The following ZNF778 variants were observed in gnomAD, a reference collection of about 807,000 sequenced individuals.
ZNF778 encodes zinc finger protein 778.
A neutral mutation model predicts 23.9 loss-of-function variants in ZNF778; 37 were observed. That is an observed-to-expected ratio of 1.54 (90% CI 1.19 to 2.03). ZNF778 has a LOEUF of 2.03. Among genes scored for constraint, ZNF778 ranks in the 30% most tolerant of loss-of-function variants. The pLI is 0.00. For synonymous variants in ZNF778, 483 were observed against 343.9 expected (o/e 1.40, Z -4.48); for missense variants, 1,297 against 934.4 (o/e 1.39, Z -5.06).
In ZNF778 at chr16:89,230,220, C is replaced by A; in HGVS notation, c.*1658C>A. On this transcript the variant is annotated 3_prime_UTR_variant, in exon 7 of 7. Transcript: ENST00000433976. ...TAAAACACCAGGGTGCAAGGAGGGG[C>A]AGAGTGGAGAGGGGCGAGGTCTGTA... 9.4e-6 allele frequency: 3 copies of A among 319,912 alleles called. No homozygotes were observed. Among genetic ancestry groups the A allele is most frequent in the Non-Finnish European group, 1.4e-5 (3 of 221,820 alleles). The allele number at this position is 319,912 out of a possible 1,614,324, so 19.8% of individuals were successfully genotyped here.
rs1183064282 is a variant in ZNF778, at chr16:89,228,559, CTAATG to C, written c.*1_*5del. 1 of 1,569,988 alleles carries C rather than the reference CTAATG, an allele frequency of 6.4e-7. No homozygotes were observed. On this transcript the variant is annotated stop_retained_variant and 3_prime_UTR_variant, in exon 7 of 7. Transcript: ENST00000433976. Reference sequence around the variant, plus strand: ...AAATTCACACTGATGAGAAACCTTTCTAATGTAAAGAATGTGGGGAAGCTGTCAGC... The same window carrying C: ...AAATTCACACTGATGAGAAACCTTTCTAAAGAATGTGGGGAAGCTGTCAGC...
rs533555896 is a variant in ZNF778 at position 89,234,258 on chromosome 16, C to T, written c.*5696C>T. On this transcript the variant is annotated 3_prime_UTR_variant, in exon 7 of 7. Coordinates refer to ENST00000433976, the MANE Select transcript of ZNF778 (RefSeq NM_001201407.2). The stretch of plus-strand genomic sequence containing the variant: ...CACATGTCTGTGACAAGGTCTTACC[C>T]AGCCCAGGGATTCTTGAACTATCTG... The T allele has an allele frequency of 7.9e-5, 28 of 354,302 alleles. No homozygotes were observed. The highest frequency in any genetic ancestry group is 5.6e-4 in the African/African-American group (26 of 46,816). 21.9% of individuals were successfully genotyped at this position (354,302 alleles called of 1,614,324 possible).
intron 5 of ZNF778, 33 bp from the exon 6 acceptor site, chr16:89,225,522 G>C (rs752340390): frequency 2.0e-6 from 3 of 1,508,584 alleles, no homozygotes; most frequent in Non-Finnish European, 2.7e-6. Context: ...CAATGAGTTT[G>C]ATCGTTTTTA....
rs1201691150 is a variant in ZNF778 at position 89,236,727 on chromosome 16, A to C, written c.*8165A>C. On this transcript the variant is annotated 3_prime_UTR_variant, in exon 7 of 7. Coordinates refer to ENST00000433976, the MANE Select transcript of ZNF778 (RefSeq NM_001201407.2). Reference sequence around the variant, plus strand: ...GTTCCGTGCTCCATTTCAGTGGCAAAATACCATTCCAGAAGGACTGGAAAA... The same window carrying C: ...GTTCCGTGCTCCATTTCAGTGGCAACATACCATTCCAGAAGGACTGGAAAA... 6.6e-6 allele frequency: 1 copy of C among 152,230 alleles called. No individual in the cohort carries two copies. The allele number at this position is 152,230 out of a possible 1,614,324, so 9.4% of individuals were successfully genotyped here.
In ZNF778 at chr16:89,225,768, CTG is replaced by C. The variant is rs961529147; in HGVS notation, c.405+138_405+139del. On this transcript the variant is annotated intron_variant, in intron 6 of 6. Transcript: ENST00000433976. ...GCAGGGGTTGTCTGTAGAGAACACT[CTG>C]AATGTGCGGAATTTGGGAGGACCTC... 7 of 784,500 alleles carry C rather than the reference CTG, an allele frequency of 8.9e-6. No individual in the cohort carries two copies. The African/African-American group carries it at 1.1e-4, about 12-fold the overall frequency. The allele number at this position is 784,500 out of a possible 1,614,324, so 48.6% of individuals were successfully genotyped here.
Position 89,232,709 on chromosome 16 carries a change from C to G in ZNF778, c.*4147C>G, listed in dbSNP as rs1283463344. On this transcript the variant is annotated 3_prime_UTR_variant, in exon 7 of 7. Transcript: ENST00000433976. ...TTGCTGTGGGGGCTAGACCGTCCCT[C>G]TCAGGCTAGATCATTCCTAAAGATG... 7.1e-6 allele frequency: 9 copies of G among 1,270,728 alleles called. No homozygotes were observed. Among genetic ancestry groups the G allele is most frequent in the Non-Finnish European group, 9.2e-6 (9 of 977,456 alleles). The allele number at this position is 1,270,728 out of a possible 1,614,324, so 78.7% of individuals were successfully genotyped here. A position where few individuals can be genotyped will look rare whatever the true frequency, so the allele number is the denominator to read the frequency against.
In ZNF778 at chr16:89,226,853, A is replaced by G; in HGVS notation, c.565A>G (p.Thr189Ala). Reference protein sequence around the residue: ...ERDFFIPCQKTLFKIGEQFSV... With the variant: ...ERDFFIPCQKALFKIGEQFSV... ...GGACTTTTTTATTCCATGCCAGAAA[A>G]CCTTGTTCAAAATTGGAGAGCAGTT... The change falls in exon 7 of 7, where the codon ACC becomes GCC. Residue 189 changes from threonine to alanine, a missense_variant. Thr to Ala is a moderately conservative substitution (Grantham distance 58). Coordinates refer to ENST00000433976, the MANE Select transcript of ZNF778 (RefSeq NM_001201407.2). 1 of 1,613,972 alleles carries G rather than the reference A, an allele frequency of 6.2e-7. No homozygotes were observed. The highest frequency in any genetic ancestry group is 8.5e-7 in the Non-Finnish European group (1 of 1,179,872).
At chr16:89,221,383 C>T (rs1368258457) in intron 2 of ZNF778, among the ~76,000 whole-genome samples, 1 of 152,198 alleles carries the variant, frequency 6.6e-6, no homozygotes, top group Admixed American at 6.5e-5. Flanking sequence ...AATGAAGAGT[C>T]ACGTTCCTCA....
chr16:89,228,559 C>G lies in ZNF778; in HGVS notation c.2271C>G (p.Phe757Leu), dbSNP rs922973451. 3 of 1,569,988 alleles carry G rather than the reference C, an allele frequency of 1.9e-6. No homozygotes were observed. The highest frequency in any genetic ancestry group is 2.6e-6 in the Non-Finnish European group (3 of 1,162,410). ...HTQIHTDEKP[F>L] ...AAATTCACACTGATGAGAAACCTTT[C>G]TAATGTAAAGAATGTGGGGAAGCTG... Residue 757 changes from phenylalanine to leucine, a missense_variant, in exon 7 of 7, where the codon TTC (phenylalanine) becomes TTG (leucine). Physicochemically the swap from Phe to Leu is conservative, Grantham distance 22. Transcript: ENST00000433976.
chr16:89,225,719 T>C, intron 6 of ZNF778, 88 bp downstream of exon 6: 1 of 1,228,840 alleles, frequency 8.1e-7, no homozygotes, highest in Non-Finnish European at 1.2e-6. Flanking sequence ...ATTGAGAGAA[T>C]TTAGAGAAGC....
At position 89,235,023 on chromosome 16, in the gene ZNF778, C is replaced by G. The variant is rs1394266612; in HGVS notation, c.*6461C>G. 2.0e-5 allele frequency: 3 copies of G among 152,146 alleles called. No homozygotes were observed. Among genetic ancestry groups the G allele is most frequent in the African/African-American group, 4.8e-5 (2 of 41,432 alleles). 9.4% of individuals were successfully genotyped at this position (152,146 alleles called of 1,614,324 possible). On this transcript the variant is annotated 3_prime_UTR_variant, in exon 7 of 7. Transcript: ENST00000433976. Reference sequence around the variant, plus strand: ...CTCCTAAGGCCTTAAATATGCTGTACTATTTTGGCTTCCACAGTTTCTATG... The same window carrying G: ...CTCCTAAGGCCTTAAATATGCTGTAGTATTTTGGCTTCCACAGTTTCTATG...
rs2032009749 is a variant in ZNF778, at chr16:89,232,882, A to C, written c.*4320A>C. ...CAAATCAACTCGCACTGCGTATGCAACTCAACTCGCACTGCGTATGCAACT... is the reference window on the plus strand; with the variant it reads ...CAAATCAACTCGCACTGCGTATGCACCTCAACTCGCACTGCGTATGCAACT... On this transcript the variant is annotated 3_prime_UTR_variant, in exon 7 of 7. Transcript: ENST00000433976. 1 of 1,214,368 alleles carries C rather than the reference A, an allele frequency of 8.2e-7. No individual in the cohort carries two copies. The highest frequency in any genetic ancestry group is 2.3e-5 in the African/African-American group (1 of 42,968). The allele number at this position is 1,214,368 out of a possible 1,614,324, so 75.2% of individuals were successfully genotyped here. A position where few individuals can be genotyped will look rare whatever the true frequency, so the allele number is the denominator to read the frequency against.
chr16:89,224,981 G>A (rs2031337226), intron 5 of ZNF778, among the ~76,000 whole-genome samples, 179 bp downstream of exon 5: 1 of 135,148 alleles, frequency 7.4e-6, no homozygotes. Flanking sequence ...ATGCATTCTG[G>A]CACAGAACAT....
chr16:89,223,152 T>C lies in ZNF778; in HGVS notation c.118-5T>C. 6.2e-7 allele frequency: 1 copy of C among 1,612,238 alleles called. No homozygotes were observed. Among genetic ancestry groups the C allele is most frequent in the Non-Finnish European group, 8.5e-7 (1 of 1,179,518 alleles). ...AGGCTCCAACCGTCATGTGTGATGA[T>C]TTAGGACGCGGTGACCTTTGACGAC... is the stretch of plus-strand genomic sequence containing the variant. On this transcript the variant is annotated splice_region_variant and splice_polypyrimidine_tract_variant and intron_variant, in intron 3 of 6. Transcript: ENST00000433976.
At position 89,227,344 on chromosome 16, in the gene ZNF778, T is replaced by G. The variant is rs2031574327; in HGVS notation, c.1056T>G (p.Leu352=). 2.5e-6 allele frequency: 4 copies of G among 1,613,864 alleles called. No homozygotes were observed. The highest frequency in any genetic ancestry group is 3.4e-6 in the Non-Finnish European group (4 of 1,179,874). ...AAGCCTTCACTGGACTCTCAGGTCT[T>G]TCTAAACACGTCCAAACAGACCCTG... is the stretch of plus-strand genomic sequence containing the variant. ...CGKAFTGLSG[L]SKHVQTDPGQ... The change falls in exon 7 of 7, where the codon CTT becomes CTG. Residue 352 remains leucine, a synonymous_variant. Transcript: ENST00000433976.
intron 3 of ZNF778, among the ~76,000 whole-genome samples, chr16:89,222,866 A>G (rs1165102161): frequency 2.6e-5 from 4 of 151,976 alleles, no homozygotes; most frequent in African/African-American, 7.2e-5. Context: ...AGAAGCTCAC[A>G]TGTTAGAGGT....
Position 89,230,136 on chromosome 16 carries a change from C to G in ZNF778, c.*1574C>G, listed in dbSNP as rs948037125. The G allele has an allele frequency of 3.0e-6, 2 of 669,512 alleles. No homozygotes were observed. Among genetic ancestry groups the G allele is most frequent in the East Asian group, 1.4e-4 (1 of 7,366 alleles). 41.5% of individuals were successfully genotyped at this position (669,512 alleles called of 1,614,324 possible). ...CACACTGGCCAATGTTGGGGCATAA[C>G]ACAGCTCTACATTTTATGAAAATGC... On this transcript the variant is annotated 3_prime_UTR_variant, in exon 7 of 7. Coordinates refer to ENST00000433976, the MANE Select transcript of ZNF778 (RefSeq NM_001201407.2).
Position 89,221,860 on chromosome 16 carries a change from G to A in ZNF778, c.26-232G>A, listed in dbSNP as rs562795823. 2.7e-3 allele frequency among the ~76,000 whole-genome samples: 406 copies of A among 151,756 alleles called. 1 individual carries two copies. Among genetic ancestry groups the A allele is most frequent in the African/African-American group, 9.3e-3 (384 of 41,378 alleles). ...TTTTCTTGAGGAAGTGTATGGCTGT[G>A]TGTGTGTGTGTGTTTTCCTGAGGTA... is the stretch of plus-strand genomic sequence containing the variant. On this transcript the variant is annotated intron_variant, in intron 2 of 6. Transcript: ENST00000433976.
intron 1 of ZNF778, 131 bp from the exon 2 acceptor site, chr16:89,220,866 T>C: frequency 2.1e-6 from 1 of 474,156 alleles, no homozygotes; most frequent in South Asian, 2.2e-5. Flanking sequence ...CTTCAGTAGG[T>C]GACGTGGATA....
Sources: allele counts gnomAD v4.1 joint callset (sites outside exome capture counted in the v4.1 genomes callset), GRCh38; gene constraint gnomAD v4.1.1; transcripts MANE v1.5; gene names NCBI Gene and HGNC (gene_info 2026-07-23, HGNC 2026-07-21).